The following GUCY1A2 variants were observed in gnomAD, a reference collection of about 807,000 sequenced individuals.
GUCY1A2 encodes the protein guanylate cyclase soluble subunit alpha-2.
Under a neutral mutation model 63.5 loss-of-function variants are expected in GUCY1A2, and 27 were observed. The ratio of observed to expected loss-of-function variants is 0.43; its 90% confidence interval spans 0.31 to 0.59. GUCY1A2 has a LOEUF of 0.59. Ranked by LOEUF, GUCY1A2 falls within the 20% of genes least tolerant of loss-of-function variation. The pLI, the probability that GUCY1A2 is intolerant of heterozygous loss-of-function variation, is 0.11. For missense variants in GUCY1A2, 768 were observed against 913.3 expected (o/e 0.84, Z 2.05); for synonymous variants, 364 against 343.5 (o/e 1.06, Z -0.66).
At chr11:106,765,947 T>C (rs1229352437) in intron 6 of GUCY1A2, among the ~76,000 whole-genome samples, 1 of 152,164 alleles carries the variant, frequency 6.6e-6, no homozygotes. Flanking sequence ...AAATTTGGTC[T>C]TGTAACATTT....
At chr11:106,855,105 C>T (rs1859410659) in intron 4 of GUCY1A2, among the ~76,000 whole-genome samples, 2 of 152,004 alleles carry the variant, frequency 1.3e-5, no homozygotes, top group South Asian at 4.1e-4. Flanking sequence ...CTCAAAGTGG[C>T]TCCATGCTGC....
At chr11:106,697,060 A>T (rs1307456387) in intron 7 of GUCY1A2, among the ~76,000 whole-genome samples, 2 of 152,208 alleles carry the variant, frequency 1.3e-5, no homozygotes, top group African/African-American at 4.8e-5. Flanking sequence ...AAGCTTGAGA[A>T]TTTATAAAGT....
chr11:107,004,848 A>G (rs1385674969), intron 1 of GUCY1A2, among the ~76,000 whole-genome samples: 1 of 152,180 alleles, frequency 6.6e-6, no homozygotes, highest in African/African-American at 2.4e-5. Flanking sequence ...TGACATGAGG[A>G]ACCGAACAAT....
At chr11:106,872,019 T>G (rs1450884575) in intron 4 of GUCY1A2, among the ~76,000 whole-genome samples, 1 of 152,134 alleles carries the variant, frequency 6.6e-6, no homozygotes, top group Non-Finnish European at 1.5e-5. Flanking sequence ...TTCTACATTT[T>G]TATCAAAAGT....
At chr11:106,750,739 A>G (rs1863868243) in intron 6 of GUCY1A2, among the ~76,000 whole-genome samples, 1 of 151,962 alleles carries the variant, frequency 6.6e-6, no homozygotes, top group Non-Finnish European at 1.5e-5. Flanking sequence ...TGGATGTAAA[A>G]AAAAAATTAT....
chr11:106,857,301 G>A (rs1237547202), intron 4 of GUCY1A2, among the ~76,000 whole-genome samples: 1 of 152,136 alleles, frequency 6.6e-6, no homozygotes, highest in East Asian at 1.9e-4. Context: ...CAGAAAGCTA[G>A]CTAGCTAGCT....
chr11:106,747,870 G>A (rs1049101459), intron 6 of GUCY1A2, among the ~76,000 whole-genome samples: 1 of 152,110 alleles, frequency 6.6e-6, no homozygotes, highest in Non-Finnish European at 1.5e-5. Context: ...TGGCTTGTGT[G>A]AGGGTTACTA....
chr11:106,764,089 T>C (rs1009587195), intron 6 of GUCY1A2, among the ~76,000 whole-genome samples: 6 of 152,086 alleles, frequency 3.9e-5, no homozygotes, highest in African/African-American at 1.4e-4. Flanking sequence ...AACTTAATTT[T>C]TTCTTCAGAT....
At position 106,679,007 on chromosome 11, in the gene GUCY1A2, C is replaced by T. The variant is rs974347985; in HGVS notation, c.*8542G>A. 2 of 189,198 alleles carry T rather than the reference C, an allele frequency of 1.1e-5. No individual in the cohort carries two copies. The highest frequency in any genetic ancestry group is 2.2e-5 in the Non-Finnish European group (2 of 89,932). 11.7% of individuals were successfully genotyped at this position (189,198 alleles called of 1,614,324 possible). A position where few individuals can be genotyped will look rare whatever the true frequency, so the allele number is the denominator to read the frequency against. ...TAGAAACAACATTAATTGAATCTCT[C>T]ATTGCTGAAGAAGTTGACACATTCA... On this transcript the variant is annotated 3_prime_UTR_variant, in exon 8 of 8. Transcript: ENST00000526355.
At position 107,017,734 on chromosome 11, in the gene GUCY1A2, C is replaced by A. The variant is rs767942434; in HGVS notation, c.303+19G>T. The A allele has an allele frequency of 2.2e-6, 3 of 1,358,390 alleles. No individual in the cohort carries two copies. Among genetic ancestry groups the A allele is most frequent in the East Asian group, 2.9e-5 (1 of 34,656 alleles). 84.1% of individuals were successfully genotyped at this position (1,358,390 alleles called of 1,614,324 possible). A position where few individuals can be genotyped will look rare whatever the true frequency, so the allele number is the denominator to read the frequency against. ...GTTCTCTCCCCCGAAGGCGGTCCCCCCTTCCGCCCCCCGCTCACCGAGGGC... is the reference window on the plus strand; with the variant it reads ...GTTCTCTCCCCCGAAGGCGGTCCCCACTTCCGCCCCCCGCTCACCGAGGGC... On this transcript the variant is annotated intron_variant, in intron 1 of 7. Transcript: ENST00000526355.
chr11:106,985,069 G>GA (rs1329929409), intron 2 of GUCY1A2, among the ~76,000 whole-genome samples: 16 of 150,504 alleles, frequency 1.1e-4, no homozygotes, highest in African/African-American at 1.7e-4. Context: ...TCTGTTCTGT[G>GA]AAAAAAAAAT....
chr11:106,936,790 G>C, intron 4 of GUCY1A2: 1 of 719,960 alleles, frequency 1.4e-6, no homozygotes. Context: ...AATTATGAGA[G>C]CCCTCAATGT....
intron 4 of GUCY1A2, among the ~76,000 whole-genome samples, chr11:106,896,092 C>T (rs1242819934): frequency 6.6e-6 from 1 of 150,622 alleles, no homozygotes; most frequent in African/African-American, 2.4e-5. Context: ...CAAATCAAAT[C>T]CAAGAATGTA....
intron 4 of GUCY1A2, among the ~76,000 whole-genome samples, chr11:106,837,070 T>C (rs1362220503): frequency 6.6e-6 from 1 of 151,886 alleles, no homozygotes; most frequent in East Asian, 1.9e-4. Context: ...CAGGGGTTTG[T>C]TGTACAGGTT....
chr11:106,810,848 C>A (rs939912471), intron 4 of GUCY1A2, among the ~76,000 whole-genome samples: 5 of 152,016 alleles, frequency 3.3e-5, no homozygotes, highest in Admixed American at 6.6e-5. Flanking sequence ...TATGGTAAAT[C>A]CATCTGTCAA....
At chr11:106,983,107 C>T (rs930654434) in intron 2 of GUCY1A2, among the ~76,000 whole-genome samples, 10 of 152,068 alleles carry the variant, frequency 6.6e-5, no homozygotes, top group African/African-American at 2.4e-4. Flanking sequence ...AAGAAGGTGG[C>T]ATGATGTAAT....
At chr11:106,740,881 C>T (rs1445260863) in intron 6 of GUCY1A2, among the ~76,000 whole-genome samples, 1 of 152,086 alleles carries the variant, frequency 6.6e-6, no homozygotes, top group African/African-American at 2.4e-5. Flanking sequence ...CCATTTTGGT[C>T]AGGCTGGTCT....
intron 6 of GUCY1A2, among the ~76,000 whole-genome samples, chr11:106,766,063 AT>A (rs770089615): frequency 2.6e-5 from 4 of 152,152 alleles, no homozygotes; most frequent in Non-Finnish European, 4.4e-5. Flanking sequence ...CACATTCCAA[AT>A]AAGGAATATT....
At chr11:106,846,778 A>T (rs1325021924) in intron 4 of GUCY1A2, among the ~76,000 whole-genome samples, 1 of 151,646 alleles carries the variant, frequency 6.6e-6, no homozygotes, top group African/African-American at 2.4e-5. Context: ...GAACTGAACA[A>T]ATGAAATAGA....
Sources: gnomAD v4.1 joint callset for allele counts (sites outside exome capture counted in the v4.1 genomes callset) on GRCh38, gnomAD v4.1.1 for gene constraint, MANE v1.5 for transcripts, NCBI Gene and HGNC (gene_info 2026-07-23, HGNC 2026-07-21) for gene names.